NAALADL2: variants seen among roughly 807,000 people sequenced by gnomAD.
The protein encoded by NAALADL2 is inactive N-acetylated-alpha-linked acidic dipeptidase-like protein 2.
A neutral mutation model predicts 87.2 loss-of-function variants in NAALADL2; 76 were observed. That is an observed-to-expected ratio of 0.87 (90% CI 0.72 to 1.05). The LOEUF (loss-of-function observed/expected upper bound fraction) is 1.05, where lower values mean the gene tolerates loss of function less well. Ranked by LOEUF, NAALADL2 falls within the 50% of genes least tolerant of loss-of-function variation. The probability of loss-of-function intolerance (pLI) is 0.00; values close to 1 mark genes in which losing one functional copy is unlikely to be tolerated. For synonymous variants in NAALADL2, 354 were observed against 331.0 expected (o/e 1.07, Z -0.75); for missense variants, 1,089 against 945.8 (o/e 1.15, Z -1.99).
At position 175,508,322 on chromosome 3, in the gene NAALADL2, T is replaced by C. The variant is rs536210776; in HGVS notation, c.1653+36564T>C. On this transcript the variant is annotated intron_variant, in intron 9 of 13. Coordinates refer to ENST00000454872, the MANE Select transcript of NAALADL2 (RefSeq NM_207015.3). Reference sequence around the variant, plus strand: ...ATATCACTCTACTTGGGTGATCTCATTAAATCCTATGGGTGTCGACTACCA... The same window carrying C: ...ATATCACTCTACTTGGGTGATCTCACTAAATCCTATGGGTGTCGACTACCA... 6.6e-5 allele frequency among the ~76,000 whole-genome samples: 10 copies of C among 152,282 alleles called. No individual in the cohort carries two copies. In the South Asian group the frequency reaches 8.3e-4, roughly 13 times the overall value.
intron 4 of NAALADL2, among the ~76,000 whole-genome samples, chr3:175,268,853 G>C (rs1158569362): frequency 6.6e-6 from 1 of 152,008 alleles, no homozygotes; most frequent in Non-Finnish European, 1.5e-5. Context: ...TAACATGCAT[G>C]GAGCTGTCAT....
At chr3:175,501,505 G>T (rs1021881386) in intron 9 of NAALADL2, among the ~76,000 whole-genome samples, 1 of 151,340 alleles carries the variant, frequency 6.6e-6, no homozygotes, top group African/African-American at 2.4e-5. Flanking sequence ...GGAGCTGGAG[G>T]TTGGGTCAGC....
chr3:174,929,587 A>G (rs1430405534), intron 1 of NAALADL2, among the ~76,000 whole-genome samples: 1 of 152,142 alleles, frequency 6.6e-6, no homozygotes, highest in African/African-American at 2.4e-5. Flanking sequence ...TATTATTATG[A>G]AAATTTATTT....
At chr3:175,639,648 G>A (rs1299338176) in intron 11 of NAALADL2, among the ~76,000 whole-genome samples, 1 of 152,050 alleles carries the variant, frequency 6.6e-6, no homozygotes, top group Non-Finnish European at 1.5e-5. Context: ...ACAGAGAATA[G>A]GGAACACTTT....
chr3:175,319,544 G>A (rs963593456), intron 4 of NAALADL2, among the ~76,000 whole-genome samples: 1 of 152,284 alleles, frequency 6.6e-6, no homozygotes, highest in Admixed American at 6.5e-5. Context: ...GCTGGGCAGG[G>A]CGCGGTGGCT....
chr3:174,489,859 T>TACCCTTATATGTAACCCTTATAAGTA (rs1446464397), intron 1 of NAALADL2, among the ~76,000 whole-genome samples: 5 of 152,022 alleles, frequency 3.3e-5, no homozygotes, highest in Non-Finnish European at 7.4e-5. Context: ...GCAAGTATCG[T>TACCCTTATATGTAACCCTTATAAGTA]ACCCTTATAT....
intron 3 of NAALADL2, among the ~76,000 whole-genome samples, chr3:174,746,656 G>C (rs1244612509): frequency 2.6e-5 from 4 of 151,990 alleles, no homozygotes; most frequent in African/African-American, 9.7e-5. Context: ...AGAGATGGAG[G>C]TATCACATTA....
rs369979604 is a variant in NAALADL2, at chr3:175,496,111, A to G, written c.1653+24353A>G. Among the ~76,000 whole-genome samples, 8 of 152,268 alleles carry G rather than the reference A, an allele frequency of 5.3e-5. No homozygotes were observed. The East Asian group carries it at 1.4e-3, about 26-fold the overall frequency. On this transcript the variant is annotated intron_variant, in intron 9 of 13. Coordinates refer to ENST00000454872, the MANE Select transcript of NAALADL2 (RefSeq NM_207015.3). ...CCTGTGTCACAGTCATTAATATGAG[A>G]TAATGCAAATAGTAAGTAAATTTAA...
chr3:174,442,217 C>T lies in NAALADL2; in HGVS notation c.-184+1185C>T, dbSNP rs546734478. Among the ~76,000 whole-genome samples, 17 of 152,132 alleles carry T rather than the reference C, an allele frequency of 1.1e-4. No individual in the cohort carries two copies. In the South Asian group the frequency reaches 2.9e-3, roughly 26 times the overall value. On this transcript the variant is annotated intron_variant, in intron 1 of 3. Transcript: ENST00000434257. ...CATGGTGAGCACTGGCTTAATCCTA[C>T]GAAGTGCTCTGGGAGAATGGGGGAG...
At chr3:174,683,316 A>C (rs1446175887) in intron 2 of NAALADL2, among the ~76,000 whole-genome samples, 1 of 152,078 alleles carries the variant, frequency 6.6e-6, no homozygotes, top group African/African-American at 2.4e-5. Context: ...AAGAGGAGAT[A>C]GAGAGAGATA....
intron 1 of NAALADL2, among the ~76,000 whole-genome samples, chr3:175,034,815 C>G (rs1488225774): frequency 1.3e-5 from 2 of 152,104 alleles, no homozygotes; most frequent in Non-Finnish European, 2.9e-5. Context: ...TGAGTTAGCA[C>G]AAAGCACTTA....
chr3:174,876,257 A>G (rs949218726), intron 1 of NAALADL2, among the ~76,000 whole-genome samples: 2 of 152,168 alleles, frequency 1.3e-5, no homozygotes, highest in Non-Finnish European at 2.9e-5. Context: ...AGGCTCTGTA[A>G]GAGCAAAACA....
intron 4 of NAALADL2, among the ~76,000 whole-genome samples, chr3:175,273,806 G>A (rs1368235211): frequency 2.6e-5 from 4 of 151,910 alleles, no homozygotes; most frequent in Non-Finnish European, 4.4e-5. Context: ...GGATAAATAG[G>A]TGGTTTTTAT....
chr3:174,455,108 G>T (rs1213464631), intron 1 of NAALADL2, among the ~76,000 whole-genome samples: 6 of 152,086 alleles, frequency 3.9e-5, no homozygotes, highest in African/African-American at 1.4e-4. Context: ...ACACCTCTGT[G>T]CATACAAACT....
intron 9 of NAALADL2, among the ~76,000 whole-genome samples, chr3:175,545,421 A>G (rs1713124391): frequency 6.6e-6 from 1 of 152,132 alleles, no homozygotes; most frequent in Non-Finnish European, 1.5e-5. Context: ...ACCATCTTGT[A>G]AAGGAATGAA....
chr3:175,039,741 G>A (rs1753825636), intron 1 of NAALADL2, among the ~76,000 whole-genome samples: 1 of 152,062 alleles, frequency 6.6e-6, no homozygotes, highest in Non-Finnish European at 1.5e-5. Flanking sequence ...TCTGTGAAGG[G>A]TTTACTGAGT....
At chr3:175,710,376 A>G (rs1740358876) in intron 11 of NAALADL2, among the ~76,000 whole-genome samples, 1 of 152,006 alleles carries the variant, frequency 6.6e-6, no homozygotes, top group African/African-American at 2.4e-5. Flanking sequence ...TTACATAATC[A>G]TTTTGAAGAA....
chr3:175,272,466 A>G (rs1440459120), intron 4 of NAALADL2, among the ~76,000 whole-genome samples: 1 of 152,080 alleles, frequency 6.6e-6, no homozygotes. Flanking sequence ...AGTGGAACTG[A>G]TTACCATAGA....
chr3:174,820,872 A>G (rs1025626365), intron 3 of NAALADL2, among the ~76,000 whole-genome samples: 3 of 152,164 alleles, frequency 2.0e-5, no homozygotes, highest in African/African-American at 7.2e-5. Context: ...CATTTTCATA[A>G]CTAATTTTGC....
Sources: gnomAD v4.1 joint callset for allele counts (sites outside exome capture counted in the v4.1 genomes callset) on GRCh38, gnomAD v4.1.1 for gene constraint, MANE v1.5 for transcripts, NCBI Gene and HGNC (gene_info 2026-07-23, HGNC 2026-07-21) for gene names.